NKAIN3: variants seen among roughly 807,000 people sequenced by gnomAD.
NKAIN3 encodes the protein sodium/potassium transporting ATPase interacting 3.
NKAIN3 carries 25 observed loss-of-function variants against 30.2 expected under a neutral mutation model. The ratio of observed to expected loss-of-function variants is 0.83; its 90% confidence interval spans 0.60 to 1.16. The LOEUF is 1.16. Ranked by LOEUF, NKAIN3 falls within the 50% of genes most tolerant of loss-of-function variation. NKAIN3 has a pLI of 0.00. For synonymous variants in NKAIN3, 91 were observed against 89.6 expected (o/e 1.02, Z -0.09); for missense variants, 225 against 254.1 (o/e 0.89, Z 0.78).
intron 4 of NKAIN3, among the ~76,000 whole-genome samples, chr8:62,860,695 A>G (rs547479877): frequency 1.3e-5 from 2 of 152,200 alleles, no homozygotes; most frequent in Non-Finnish European, 2.9e-5. Context: ...ATGCTGTCAG[A>G]TGAATTTTTC....
At chr8:62,719,753 CTTT>C (rs60637445) in intron 3 of NKAIN3, among the ~76,000 whole-genome samples, 1,612 of 90,468 alleles carry the variant, frequency 0.018, 29 homozygotes, top group African/African-American at 0.061. Flanking sequence ...ACATTTCTTT[CTTT>C]TTTTTTTTTT....
intron 4 of NKAIN3, among the ~76,000 whole-genome samples, chr8:62,879,722 A>C (rs1820917308): frequency 6.6e-6 from 1 of 152,158 alleles, no homozygotes; most frequent in Non-Finnish European, 1.5e-5. Flanking sequence ...ACTGTTCCCC[A>C]GGAAGGTCAG....
intron 4 of NKAIN3, chr8:62,863,047 T>A: frequency 1.2e-6 from 1 of 814,636 alleles, no homozygotes; most frequent in Non-Finnish European, 2.0e-6. Flanking sequence ...CTATGGAGAC[T>A]CTAGGTGCTT....
At chr8:62,385,233 G>C (rs1473104219) in intron 1 of NKAIN3, among the ~76,000 whole-genome samples, 3 of 152,018 alleles carry the variant, frequency 2.0e-5, no homozygotes, top group Non-Finnish European at 4.4e-5. Flanking sequence ...CCTTTATTGA[G>C]TACTTACTTA....
At chr8:62,958,360 C>T (rs1003530005) in intron 6 of NKAIN3, among the ~76,000 whole-genome samples, 34 of 151,932 alleles carry the variant, frequency 2.2e-4, no homozygotes, top group Admixed American at 7.9e-4. Flanking sequence ...AGGAGTCATC[C>T]GTGTTGGGTT....
At chr8:62,931,542 C>T (rs1331038679) in intron 5 of NKAIN3, among the ~76,000 whole-genome samples, 1 of 152,126 alleles carries the variant, frequency 6.6e-6, no homozygotes, top group African/African-American at 2.4e-5. Context: ...TACACTTCTC[C>T]AATAAATAAG....
intron 1 of NKAIN3, among the ~76,000 whole-genome samples, chr8:62,355,797 G>T (rs901003672): frequency 6.6e-6 from 1 of 152,068 alleles, no homozygotes; most frequent in Non-Finnish European, 1.5e-5. Flanking sequence ...ATCTGACGTG[G>T]TTTTCCAGGA....
chr8:62,688,839 T>C (rs1359043536), intron 3 of NKAIN3, among the ~76,000 whole-genome samples: 2 of 152,162 alleles, frequency 1.3e-5, no homozygotes, highest in African/African-American at 4.8e-5. Context: ...CCAAAGTCTT[T>C]ATCTATTCTT....
chr8:62,902,421 G>T (rs182364626), intron 4 of NKAIN3, among the ~76,000 whole-genome samples: 2 of 152,282 alleles, frequency 1.3e-5, no homozygotes, highest in Admixed American at 1.3e-4. Flanking sequence ...AAGAGCTCCT[G>T]CCCAAGCCCA....
intron 1 of NKAIN3, among the ~76,000 whole-genome samples, chr8:62,562,755 T>G (rs1273446885): frequency 1.3e-5 from 2 of 152,200 alleles, no homozygotes; most frequent in Non-Finnish European, 2.9e-5. Flanking sequence ...GGTTTTTTTC[T>G]ATATATTATT....
chr8:62,740,334 C>A (rs1180360293), intron 3 of NKAIN3, among the ~76,000 whole-genome samples: 4 of 152,138 alleles, frequency 2.6e-5, no homozygotes, highest in Non-Finnish European at 4.4e-5. Flanking sequence ...ATGGGCTTCT[C>A]TTTAAGGTCA....
chr8:62,607,562 C>T lies in NKAIN3; in HGVS notation c.273+17768C>T, dbSNP rs191113309. 2.5e-3 allele frequency among the ~76,000 whole-genome samples: 377 copies of T among 152,206 alleles called. 1 individual carries two copies. The highest frequency in any genetic ancestry group is 5.2e-3 in the East Asian group (27 of 5,168). On this transcript the variant is annotated intron_variant, in intron 3 of 6. Transcript: ENST00000623646. ...TCCTGAGGGTTATAATCACTTTCAT[C>T]CTGCACCAGGAATTTACATTTCAGT...
intron 4 of NKAIN3, among the ~76,000 whole-genome samples, chr8:62,859,973 G>A (rs1263322677): frequency 6.6e-6 from 1 of 152,134 alleles, no homozygotes; most frequent in Non-Finnish European, 1.5e-5. Context: ...TTGCCATTTT[G>A]CTTTTTCATT....
intron 3 of NKAIN3, among the ~76,000 whole-genome samples, chr8:62,659,289 A>G (rs1349461585): frequency 6.6e-6 from 1 of 152,192 alleles, no homozygotes; most frequent in Non-Finnish European, 1.5e-5. Flanking sequence ...TCCCACAAAG[A>G]GCCTCCGGCT....
At chr8:62,349,633 A>G (rs1213295176) in intron 1 of NKAIN3, among the ~76,000 whole-genome samples, 1 of 152,176 alleles carries the variant, frequency 6.6e-6, no homozygotes, top group East Asian at 1.9e-4. Context: ...GTCCCAGCAC[A>G]CACAGAACAC....
intron 1 of NKAIN3, among the ~76,000 whole-genome samples, chr8:62,532,850 G>T (rs541221354): frequency 6.6e-6 from 1 of 152,138 alleles, no homozygotes; most frequent in Non-Finnish European, 1.5e-5. Flanking sequence ...GAATGAAAAC[G>T]TCCACTCCAC....
intron 1 of NKAIN3, among the ~76,000 whole-genome samples, chr8:62,316,420 TCC>T (rs36162648): frequency 6.6e-6 from 1 of 150,792 alleles, no homozygotes; most frequent in Non-Finnish European, 1.5e-5. Flanking sequence ...CCTAATGCTA[TCC>T]CCCCCCTCCT....
chr8:62,256,990 A>T (rs1211787511), intron 1 of NKAIN3, among the ~76,000 whole-genome samples: 1 of 152,234 alleles, frequency 6.6e-6, no homozygotes, highest in Non-Finnish European at 1.5e-5. Flanking sequence ...AAATAATAAT[A>T]GTATATACTT....
At chr8:62,279,384 C>A (rs1813090649) in intron 1 of NKAIN3, among the ~76,000 whole-genome samples, 1 of 152,172 alleles carries the variant, frequency 6.6e-6, no homozygotes. Flanking sequence ...TAAATAGATT[C>A]CATTCGTCAA....
Sources: allele counts gnomAD v4.1 joint callset (sites outside exome capture counted in the v4.1 genomes callset), GRCh38; gene constraint gnomAD v4.1.1; transcripts MANE v1.5; gene names NCBI Gene and HGNC (gene_info 2026-07-23, HGNC 2026-07-21).